Variants in HIP1R observed in about 807,000 individuals in gnomAD.
HIP1R encodes huntingtin-interacting protein 1-related protein.
HIP1R carries 135 observed loss-of-function variants against 144.2 expected under a neutral mutation model. The ratio of observed to expected loss-of-function variants is 0.94; its 90% CI spans 0.81 to 1.08. HIP1R has a LOEUF of 1.08. HIP1R is among the 50% of genes least tolerant of loss of function. The pLI is 0.00. For synonymous variants in HIP1R, 698 were observed against 612.8 expected, an observed-to-expected ratio of 1.14 and a Z score of -2.05; for missense variants, 1,462 against 1,432.8, an observed-to-expected ratio of 1.02 and a Z score of -0.33.
chr12:122,844,171 C>T (rs1367499174), intron 1 of HIP1R, among the ~76,000 whole-genome samples: 1 of 152,086 alleles, frequency 6.6e-6, no homozygotes, highest in Non-Finnish European at 1.5e-5. Context: ...CAGGTTCTCA[C>T]TCTGTTACCC....
At chr12:122,852,465 G>A (rs1239891771) in intron 7 of HIP1R, among the ~76,000 whole-genome samples, 2 of 152,246 alleles carry the variant, frequency 1.3e-5, no homozygotes, top group African/African-American at 4.8e-5. Context: ...CCCCTGGCAT[G>A]GGAGAAGGCC....
At chr12:122,850,973 C>T (rs1282759378) in intron 6 of HIP1R, 62 bp downstream of exon 6, 37 of 1,482,614 alleles carry the variant, frequency 2.5e-5, no homozygotes, top group Admixed American at 9.1e-5. Flanking sequence ...CTTCCTACCG[C>T]GTCTCACGCC....
rs757175512 is a variant in HIP1R, at chr12:122,858,246, C to G, written c.1960C>G (p.Pro654Ala). 2 of 1,587,594 alleles carry G rather than the reference C, an allele frequency of 1.3e-6. No homozygotes were observed. The highest frequency in any genetic ancestry group is 1.1e-5 in the South Asian group (1 of 89,106). ...CCTGCACCTGCGCTGTACCAGCTCCCCAGGTAGACAGTGGGGCCACACTCA... is the reference window on the plus strand; with the variant it reads ...CCTGCACCTGCGCTGTACCAGCTCCGCAGGTAGACAGTGGGGCCACACTCA... ...DPLHLRCTSSPDYLVSRAQEA... is the reference protein window; with the variant it reads ...DPLHLRCTSSADYLVSRAQEA... The change falls in exon 19 of 32, where the codon CCA becomes GCA. Residue 654 changes from proline to alanine, a missense_variant. This residue lies in a region of HIP1R where 1,112 missense variants were observed against 1,011.7 expected (regional missense o/e 1.10). Coordinates refer to ENST00000253083, the MANE Select transcript of HIP1R (RefSeq NM_003959.3).
In HIP1R at chr12:122,854,959, A is replaced by G. The variant is rs2033518774; in HGVS notation, c.773A>G (p.His258Arg). 6.2e-7 allele frequency: 1 copy of G among 1,612,468 alleles called. No homozygotes were observed. Among genetic ancestry groups the G allele is most frequent in the Non-Finnish European group, 8.5e-7 (1 of 1,179,544 alleles). ...AGGGACCGGTTCCACGAGCAGTTTC[A>G]CAGGTACTGCCTGGGACAGGGACAG... ...GHRDRFHEQF[H>R]SLRNFFRRAS... Residue 258 changes from histidine to arginine, a missense_variant, in exon 9 of 32, where the codon CAC (histidine) becomes CGC (arginine). His to Arg is a conservative substitution (Grantham distance 29). Transcript: ENST00000253083.
rs1593880694 is a variant in HIP1R, at chr12:122,855,099, C to T, written c.823C>T (p.Arg275Trp). 3 of 1,613,820 alleles carry T rather than the reference C, an allele frequency of 1.9e-6. No homozygotes were observed. The highest frequency in any genetic ancestry group is 2.5e-6 in the Non-Finnish European group (3 of 1,180,022). ...RRASDMLYFK[R>W]LIQIPRLPEG... Reference sequence around the variant, plus strand: ...AGCCTCCGACATGCTGTACTTCAAGCGGCTCATCCAGATCCCCCGGCTGCC... The same window carrying T: ...AGCCTCCGACATGCTGTACTTCAAGTGGCTCATCCAGATCCCCCGGCTGCC... Residue 275 changes from arginine to tryptophan, a missense_variant, in exon 10 of 32, where the codon CGG becomes TGG. Transcript: ENST00000253083.
chr12:122,856,328 C>T lies in HIP1R; in HGVS notation c.1385C>T (p.Ala462Val), dbSNP rs762305144. The T allele has an allele frequency of 1.9e-5, 31 of 1,613,726 alleles. No homozygotes were observed. The highest frequency in any genetic ancestry group is 3.3e-5 in the Admixed American group (2 of 59,998). ...EKHSELVHVH[A>V]ELLRKNADTA... The stretch of plus-strand genomic sequence containing the variant: ...CACAGTGAGCTCGTCCATGTGCACG[C>T]GGAGCTGCTCAGAAAGGTAGGTGCA... The change falls in exon 15 of 32, where the codon GCG becomes GTG. Residue 462 changes from alanine to valine, a missense_variant. By Grantham distance (64) the Ala-to-Val change is moderately conservative (BLOSUM62 0). Around this residue, in one of 2 missense-constraint regions of HIP1R, gnomAD observed 1,112 missense variants for 1,011.7 expected, o/e 1.10. Transcript: ENST00000253083.
chr12:122,843,015 G>A (rs2033101081), intron 1 of HIP1R, among the ~76,000 whole-genome samples: 1 of 152,254 alleles, frequency 6.6e-6, no homozygotes, highest in South Asian at 2.1e-4. Context: ...TGGGGGTAGT[G>A]GGAAGGGCCC....
At chr12:122,835,869 C>T (rs1344362484) in intron 1 of HIP1R, among the ~76,000 whole-genome samples, 1 of 150,232 alleles carries the variant, frequency 6.7e-6, no homozygotes, top group African/African-American at 2.4e-5. Flanking sequence ...AACCGGAAGC[C>T]GCGCTCCCCG....
Position 122,860,666 on chromosome 12 carries a change from C to T in HIP1R, c.2661-13C>T. 2.5e-6 allele frequency: 4 copies of T among 1,611,180 alleles called. No individual in the cohort carries two copies. The highest frequency in any genetic ancestry group is 2.5e-6 in the Non-Finnish European group (3 of 1,178,048). On this transcript the variant is annotated splice_polypyrimidine_tract_variant and intron_variant, in intron 27 of 31. Coordinates refer to ENST00000253083, the MANE Select transcript of HIP1R (RefSeq NM_003959.3). ...GTCAGAGACCCTGGCCCTGACTGGCCCTTGACCCGCAGGGAGGCAGCTGAC... is the reference window on the plus strand; with the variant it reads ...GTCAGAGACCCTGGCCCTGACTGGCTCTTGACCCGCAGGGAGGCAGCTGAC...
Position 122,856,701 on chromosome 12 carries a change from A to G in HIP1R, c.1595A>G (p.Gln532Arg), listed in dbSNP as rs759312297. 3 of 1,585,924 alleles carry G rather than the reference A, an allele frequency of 1.9e-6. No individual in the cohort carries two copies. Among genetic ancestry groups the G allele is most frequent in the Non-Finnish European group, 2.6e-6 (3 of 1,166,690 alleles). Residue 532 changes from glutamine (Q) to arginine (R), a missense_variant, in exon 17 of 32, where the codon CAG (glutamine) becomes CGG (arginine). Gln to Arg is a conservative substitution (Grantham distance 43). This residue lies in a region of HIP1R where 1,112 missense variants were observed against 1,011.7 expected (regional missense o/e 1.10). Transcript: ENST00000253083. ...AAGGCCGGAGAGCTGGCCCGCGCGC[A>G]GGAGGCCCTGAGCCACACAGAGCAG... ...EAKAGELARA[Q>R]EALSHTEQSK...
In HIP1R at chr12:122,860,971, C is replaced by G. The variant is rs1257802042; in HGVS notation, c.2822C>G (p.Thr941Arg). The change falls in exon 29 of 32, where the codon ACA becomes AGA. Residue 941 changes from threonine (T) to arginine (R), a missense_variant. This residue lies in a region of HIP1R where 1,112 missense variants were observed against 1,011.7 expected (regional missense o/e 1.10). Coordinates refer to ENST00000253083, the MANE Select transcript of HIP1R (RefSeq NM_003959.3). ...AGCCGCCTGCAGGAATGTTCTCGCA[C>G]AGTCAATGAGAGGGCTGCCAATGTG... The part of the protein sequence containing the change: ...HLSRLQECSR[T>R]VNERAANVVA... 2 of 1,613,420 alleles carry G rather than the reference C, an allele frequency of 1.2e-6. No individual in the cohort carries two copies. Among genetic ancestry groups the G allele is most frequent in the Admixed American group, 1.7e-5 (1 of 59,992 alleles).
In HIP1R at chr12:122,854,929, G is replaced by A. The variant is rs200151301; in HGVS notation, c.743G>A (p.Gly248Asp). The change falls in exon 9 of 32, where the codon GGC (glycine) becomes GAC (aspartate). Residue 248 changes from glycine (G) to aspartate (D), a missense_variant. Gly to Asp is a moderately conservative substitution (Grantham distance 94, BLOSUM62 -1). Around this residue, in one of 2 missense-constraint regions of HIP1R, gnomAD observed 350 missense variants for 421.1 expected, o/e 0.83. Coordinates refer to ENST00000253083, the MANE Select transcript of HIP1R (RefSeq NM_003959.3). ...GGTCTCCCTGCGGACACCCTGCAAG[G>A]CCACAGGGACCGGTTCCACGAGCAG... ...HSCLPADTLQ[G>D]HRDRFHEQFH... 200 of 1,612,912 alleles carry A rather than the reference G, an allele frequency of 1.2e-4. No individual in the cohort carries two copies. The highest frequency in any genetic ancestry group is 1.6e-4 in the Non-Finnish European group (194 of 1,179,672).
At chr12:122,858,782 A>G in intron 20 of HIP1R, 56 bp from the exon 21 acceptor site, 1 of 1,228,678 alleles carries the variant, frequency 8.1e-7, no homozygotes, top group Non-Finnish European at 1.2e-6. Context: ...CGGTGGTCCC[A>G]GTGCTAGTGT....
intron 1 of HIP1R, among the ~76,000 whole-genome samples, chr12:122,841,914 C>T (rs368049984): frequency 2.0e-5 from 3 of 152,164 alleles, no homozygotes; most frequent in Admixed American, 6.5e-5. Context: ...CTTTCCTAAA[C>T]GCTGAAATGA....
intron 2 of HIP1R, 42 bp from the exon 3 acceptor site, chr12:122,848,424 G>A (rs200299699): frequency 2.1e-5 from 33 of 1,581,304 alleles, no homozygotes; most frequent in East Asian, 1.8e-4. Context: ...CTGAGCCCCC[G>A]TGCTCCAGTC....
intron 21 of HIP1R, 54 bp downstream of exon 21, chr12:122,858,999 T>C: frequency 1.2e-6 from 2 of 1,603,954 alleles, no homozygotes; most frequent in South Asian, 2.2e-5. Flanking sequence ...TTGTCTCCCC[T>C]GGGGGTCCTT....
Position 122,856,060 on chromosome 12 carries a change from G to A in HIP1R, c.1209G>A (p.Gln403=). The part of the protein sequence containing the change: ...GELEEQRKQK[Q]KALVDNEQLR... The stretch of plus-strand genomic sequence containing the variant: ...TGGAGGAGCAGCGGAAGCAGAAGCA[G>A]AAGGCCCTGGTGGATAATGAGCAGC... Residue 403 remains glutamine, a synonymous_variant, in exon 14 of 32, where the codon CAG becomes CAA. Transcript: ENST00000253083. The A allele has an allele frequency of 6.3e-7, 1 of 1,592,304 alleles. No individual in the cohort carries two copies. The highest frequency in any genetic ancestry group is 1.1e-5 in the South Asian group (1 of 87,992).
chr12:122,860,629 G>A lies in HIP1R; in HGVS notation c.2661-50G>A, dbSNP rs769200970. 4 of 1,580,390 alleles carry A rather than the reference G, an allele frequency of 2.5e-6. No individual in the cohort carries two copies. The South Asian group carries it at 4.4e-5, about 17-fold the overall frequency. ...GTAGAGGGGGTGTGGAGTGGTGCCA[G>A]CCGTCCGTGGGGTCAGAGACCCTGG... On this transcript the variant is annotated intron_variant, in intron 27 of 31. Coordinates refer to ENST00000253083, the MANE Select transcript of HIP1R (RefSeq NM_003959.3).
intron 5 of HIP1R, chr12:122,850,233 C>T: frequency 1.7e-6 from 1 of 593,772 alleles, no homozygotes; most frequent in Non-Finnish European, 3.2e-6. Flanking sequence ...GCTGTGCTGG[C>T]CGGGTGCTCC....
Sources: gnomAD v4.1 joint callset for allele counts (sites outside exome capture counted in the v4.1 genomes callset) on GRCh38, gnomAD v4.1.1 for gene constraint, gnomAD v4.1.1 regional missense constraint, MANE v1.5 for transcripts, NCBI Gene and HGNC (gene_info 2026-07-23, HGNC 2026-07-21) for gene names.